FUT9: variants seen among roughly 807,000 people sequenced by gnomAD.
FUT9 encodes the protein fucosyltransferase 9, also known as 4-galactosyl-N-acetylglucosaminide 3-alpha-L-fucosyltransferase 9.
Under a neutral mutation model 29.7 loss-of-function variants are expected in FUT9, and 15 were observed. That is an observed-to-expected ratio of 0.51 (90% CI 0.34 to 0.78). The LOEUF is 0.78. Among genes scored for constraint, FUT9 ranks in the 30% least tolerant of loss-of-function variants. The probability of loss-of-function intolerance (pLI) is 0.01; values close to 1 mark genes in which losing one functional copy is unlikely to be tolerated. For missense variants in FUT9, 319 were observed against 425.4 expected, an observed-to-expected ratio of 0.75 and a Z score of 2.20; for synonymous variants, 169 against 153.7, an observed-to-expected ratio of 1.10 and a Z score of -0.74.
intron 1 of FUT9, among the ~76,000 whole-genome samples, chr6:96,101,516 T>C (rs1477441211): frequency 6.6e-6 from 1 of 151,402 alleles, no homozygotes; most frequent in Non-Finnish European, 1.5e-5. Context: ...ACTACTGCAC[T>C]CCAGCCTGGG....
At chr6:96,190,226 A>T (rs997634910) in intron 2 of FUT9, among the ~76,000 whole-genome samples, 5 of 152,256 alleles carry the variant, frequency 3.3e-5, no homozygotes, top group South Asian at 2.1e-4. Context: ...AGAATGTTGA[A>T]TATTGGCCCC....
At chr6:96,031,770 A>G in intron 1 of FUT9, among the ~76,000 whole-genome samples, 1 of 151,516 alleles carries the variant, frequency 6.6e-6, no homozygotes, top group East Asian at 1.9e-4. Context: ...CTTTACTTCT[A>G]CTTTTAAGTC....
intron 2 of FUT9, among the ~76,000 whole-genome samples, chr6:96,144,229 T>A (rs1772522833): frequency 6.6e-6 from 1 of 152,210 alleles, no homozygotes; most frequent in East Asian, 1.9e-4. Flanking sequence ...TTAGTGATTT[T>A]TTTTTCCAAT....
At position 96,213,200 on chromosome 6, in the gene FUT9, A is replaced by C. The variant is rs1253058358; in HGVS notation, c.*8965A>C. On this transcript the variant is annotated 3_prime_UTR_variant, in exon 3 of 3. Transcript: ENST00000302103. ...AGGAGCTCTGAATAAAAGGTTGCTG[A>C]AGCAAAATACTGCAATGAAGTTCTG... is the stretch of plus-strand genomic sequence containing the variant. 6.0e-6 allele frequency: 1 copy of C among 166,890 alleles called. No homozygotes were observed. The highest frequency in any genetic ancestry group is 1.5e-5 in the Non-Finnish European group (1 of 68,026). The allele number at this position is 166,890 out of a possible 1,614,324, so 10.3% of individuals were successfully genotyped here. A position where few individuals can be genotyped will look rare whatever the true frequency, so the allele number is the denominator to read the frequency against.
At chr6:96,173,772 C>CA (rs201906948) in intron 2 of FUT9, among the ~76,000 whole-genome samples, 835 of 24,556 alleles carry the variant, frequency 0.034, 9 homozygotes, top group Non-Finnish European at 0.29. Flanking sequence ...AAAAATCACA[C>CA]AAATTTTTTT....
In FUT9 at chr6:96,212,610, C is replaced by T. The variant is rs1314377316; in HGVS notation, c.*8375C>T. 4 of 342,498 alleles carry T rather than the reference C, an allele frequency of 1.2e-5. No individual in the cohort carries two copies. The highest frequency in any genetic ancestry group is 2.1e-5 in the African/African-American group (1 of 47,172). The allele number at this position is 342,498 out of a possible 1,614,324, so 21.2% of individuals were successfully genotyped here. ...ATATAAAATGGCATTGTTATAGAAT[C>T]CCTAAAAGGTAAATAATGTATGAGA... On this transcript the variant is annotated 3_prime_UTR_variant, in exon 3 of 3. Coordinates refer to ENST00000302103, the MANE Select transcript of FUT9 (RefSeq NM_006581.4).
rs534159149 is a variant in FUT9, at chr6:96,031,514, C to G, written c.-98+15302C>G. On this transcript the variant is annotated intron_variant, in intron 1 of 2. Coordinates refer to ENST00000302103, the MANE Select transcript of FUT9 (RefSeq NM_006581.4). ...TAAGTAGAGTTAGGGTGACTGCCCC[C>G]CAAGATCACGGCCCAGTGTAGCAAA... Among the ~76,000 whole-genome samples, 6 of 151,416 alleles carry G rather than the reference C, an allele frequency of 4.0e-5. No individual in the cohort carries two copies. The East Asian group carries it at 1.2e-3, about 30-fold the overall frequency.
intron 1 of FUT9, among the ~76,000 whole-genome samples, chr6:96,024,035 A>G (rs1770119386): frequency 6.6e-6 from 1 of 151,956 alleles, no homozygotes; most frequent in African/African-American, 2.4e-5. Context: ...AATCGGATAT[A>G]GAAAATACAA....
chr6:96,176,181 C>T (rs4298353), intron 2 of FUT9, among the ~76,000 whole-genome samples: 152,257 of 152,258 alleles, frequency 1, 76,128 homozygotes, highest in Non-Finnish European at 1. Flanking sequence ...GCACTTGGAC[C>T]GAGCCACACT....
At chr6:96,043,496 A>T (rs891733701) in intron 1 of FUT9, among the ~76,000 whole-genome samples, 4 of 152,204 alleles carry the variant, frequency 2.6e-5, no homozygotes, top group Non-Finnish European at 5.9e-5. Flanking sequence ...TCTTACTGGG[A>T]AAATGCCAAT....
At chr6:96,031,600 T>C (rs1238638439) in intron 1 of FUT9, among the ~76,000 whole-genome samples, 1 of 151,464 alleles carries the variant, frequency 6.6e-6, no homozygotes, top group African/African-American at 2.4e-5. Context: ...AAATAGTGTA[T>C]CCTTCAATAG....
chr6:96,084,812 C>G (rs1418961570), intron 1 of FUT9, among the ~76,000 whole-genome samples: 1 of 152,130 alleles, frequency 6.6e-6, no homozygotes, highest in Non-Finnish European at 1.5e-5. Context: ...TATGTCTTCA[C>G]TCTCCACAGA....
rs745684001 is a variant in FUT9, at chr6:96,203,672, G to T, written c.517G>T (p.Val173Leu). The change falls in exon 3 of 3, where the codon GTA becomes TTA. Residue 173 changes from valine (V) to leucine (L), a missense_variant. By Grantham distance (32) the Val-to-Leu change is conservative. Transcript: ENST00000302103. ...CCAAGTGCCTTATGGCTTCTTGACG[G>T]TAAGCACAAATCCCTTCGTGTTTGA... ...DIQVPYGFLT[V>L]STNPFVFEVP... 1 of 1,613,988 alleles carries T rather than the reference G, an allele frequency of 6.2e-7. No individual in the cohort carries two copies. The highest frequency in any genetic ancestry group is 8.5e-7 in the Non-Finnish European group (1 of 1,179,982).
intron 1 of FUT9, among the ~76,000 whole-genome samples, chr6:96,022,197 A>G (rs963094997): frequency 2.0e-5 from 3 of 152,040 alleles, no homozygotes; most frequent in Non-Finnish European, 4.4e-5. Flanking sequence ...TAGAGAGCCA[A>G]CTGAGCTATT....
At chr6:96,123,493 C>T (rs943151102) in intron 2 of FUT9, among the ~76,000 whole-genome samples, 2 of 152,168 alleles carry the variant, frequency 1.3e-5, no homozygotes, top group Non-Finnish European at 2.9e-5. Context: ...TATGGTTCTT[C>T]AGGTGAGAAT....
At chr6:96,087,136 A>G (rs77135669) in intron 1 of FUT9, among the ~76,000 whole-genome samples, 3,392 of 152,272 alleles carry the variant, frequency 0.022, 64 homozygotes, top group East Asian at 0.078. Context: ...TGACATTCTT[A>G]CAGAGCCAAA....
intron 2 of FUT9, among the ~76,000 whole-genome samples, chr6:96,199,550 TGAGA>T (rs150916458): frequency 2.6e-5 from 4 of 150,952 alleles, no homozygotes; most frequent in South Asian, 2.1e-4. Context: ...GTTTGGCTAA[TGAGA>T]GAGAGAGAGA....
chr6:96,153,086 A>C (rs1283005111), intron 2 of FUT9, among the ~76,000 whole-genome samples: 1 of 152,220 alleles, frequency 6.6e-6, no homozygotes. Flanking sequence ...GTGCCTTTAA[A>C]AACATCCTTC....
intron 2 of FUT9, among the ~76,000 whole-genome samples, chr6:96,147,169 T>C (rs550628930): frequency 2.4e-4 from 37 of 151,576 alleles, no homozygotes; most frequent in Admixed American, 4.6e-4. Context: ...TTTTCTTTTT[T>C]TTTTTTTCTT....
Sources: allele counts gnomAD v4.1 joint callset (sites outside exome capture counted in the v4.1 genomes callset), GRCh38; gene constraint gnomAD v4.1.1; transcripts MANE v1.5; gene names NCBI Gene and HGNC (gene_info 2026-07-23, HGNC 2026-07-21).